KLRG1: variants seen among roughly 807,000 people sequenced by gnomAD.
KLRG1 encodes the protein killer cell lectin-like receptor subfamily G member 1.
In KLRG1, 16 loss-of-function variants were observed where a neutral mutation model predicts 21.8. The ratio of observed to expected loss-of-function variants is 0.73; its 90% confidence interval spans 0.50 to 1.11. KLRG1 has a LOEUF of 1.11. Among genes scored for constraint, KLRG1 ranks in the 50% most tolerant of loss-of-function variants. KLRG1 has a pLI of 0.00. For synonymous variants in KLRG1, 69 were observed against 75.9 expected, an observed-to-expected ratio of 0.91 and a Z score of 0.47; for missense variants, 173 against 218.3, an observed-to-expected ratio of 0.79 and a Z score of 1.31.
the KLRG1 span, chr12:9,110,052 A>G: frequency 3.1e-6 from 5 of 1,591,628 alleles, no homozygotes; most frequent in Admixed American, 3.7e-5. Context: ...GAGTAAATTA[A>G]TTATAACTTA....
intron 1 of KLRG1, among the ~76,000 whole-genome samples, chr12:8,963,062 A>G (rs1946406723): frequency 6.6e-6 from 1 of 152,246 alleles, no homozygotes; most frequent in Admixed American, 6.5e-5. Flanking sequence ...GAAAAAATAT[A>G]TAATGGCATA....
chr12:9,068,924 TG>T, the KLRG1 span: 6 of 1,010,640 alleles, frequency 5.9e-6, no homozygotes, highest in Admixed American at 5.3e-5. Context: ...ACCTGTTTTT[TG>T]GGGGAAAAGC....
the KLRG1 span, chr12:9,095,217 G>A: frequency 3.8e-6 from 2 of 532,658 alleles, no homozygotes; most frequent in African/African-American, 2.0e-5. Context: ...ATCTGTAGAA[G>A]GGATATTTAT....
intron 1 of KLRG1, among the ~76,000 whole-genome samples, chr12:8,952,550 G>C (rs1038815244): frequency 1.3e-5 from 2 of 152,114 alleles, no homozygotes; most frequent in African/African-American, 2.4e-5. Flanking sequence ...ATAGTTTTTG[G>C]TAACTTTCAA....
At chr12:9,127,928 C>A in the KLRG1 span, 4 of 345,140 alleles carry the variant, frequency 1.2e-5, no homozygotes, top group South Asian at 1.0e-4. Context: ...TTCTTGGTGT[C>A]ACCATTGAGA....
chr12:9,151,378 A>C, the KLRG1 span, among the ~76,000 whole-genome samples: 1 of 152,212 alleles, frequency 6.6e-6, no homozygotes, highest in Admixed American at 6.5e-5. Flanking sequence ...TTGTACTTTA[A>C]ATTTCATAGA....
At chr12:9,004,893 T>G (rs774898931) in intron 3 of KLRG1, among the ~76,000 whole-genome samples, 25 of 152,350 alleles carry the variant, frequency 1.6e-4, no homozygotes, top group African/African-American at 6.0e-4. Flanking sequence ...AGGAAAATGA[T>G]ATTTTAAATT....
rs34418338 is a variant in KLRG1 at position 8,991,657 on chromosome 12, TA to T, written c.83-540del. ...ATCTTACAAAATATTCCATATCAGT[TA>T]AAAAAAAAGCCAGTTTTTATTAGAA... On this transcript the variant is annotated intron_variant, in intron 1 of 4. Coordinates refer to ENST00000356986, the MANE Select transcript of KLRG1 (RefSeq NM_005810.4). 9.7e-4 allele frequency among the ~76,000 whole-genome samples: 146 copies of T among 151,126 alleles called. 1 individual carries two copies. The highest frequency in any genetic ancestry group is 3.4e-3 in the Middle Eastern group (1 of 294).
chr12:9,121,526 C>T, the KLRG1 span, among the ~76,000 whole-genome samples: 11 of 152,028 alleles, frequency 7.2e-5, no homozygotes, highest in South Asian at 8.3e-4. The surrounding 1 kb of genome is among the most constrained non-coding windows in gnomAD (Gnocchi z 4.4). Context: ...GGCAACAGAG[C>T]GAGCCTCTGT....
At chr12:9,069,994 A>G in the KLRG1 span, among the ~76,000 whole-genome samples, 6 of 152,272 alleles carry the variant, frequency 3.9e-5, no homozygotes, top group Non-Finnish European at 5.9e-5. Context: ...TACTATTAGT[A>G]TAACACACGA....
intron 1 of KLRG1, among the ~76,000 whole-genome samples, chr12:8,983,843 T>C (rs765968068): frequency 1.4e-4 from 21 of 152,220 alleles, no homozygotes; most frequent in Non-Finnish European, 2.5e-4. Context: ...TTTCTTTTTA[T>C]CTTTGGTTTT....
At chr12:9,070,204 C>A in the KLRG1 span, among the ~76,000 whole-genome samples, 1 of 151,982 alleles carries the variant, frequency 6.6e-6, no homozygotes, top group Non-Finnish European at 1.5e-5. Context: ...TTCACTGGTT[C>A]GTGTTCATAT....
chr12:9,090,821 T>C, the KLRG1 span, among the ~76,000 whole-genome samples: 1 of 152,200 alleles, frequency 6.6e-6, no homozygotes, highest in Non-Finnish European at 1.5e-5. Flanking sequence ...TAAACAGTTA[T>C]GGTTTCAGCA....
At chr12:9,068,956 T>C in the KLRG1 span, 1 of 629,746 alleles carries the variant, frequency 1.6e-6, no homozygotes. Flanking sequence ...TACAGCACAC[T>C]ATAGGGTCCT....
At chr12:9,080,657 A>G in the KLRG1 span, among the ~76,000 whole-genome samples, 12 of 152,222 alleles carry the variant, frequency 7.9e-5, no homozygotes, top group Admixed American at 6.5e-4. Flanking sequence ...TTCATATACA[A>G]AGATAGTATT....
intron 3 of KLRG1, among the ~76,000 whole-genome samples, chr12:9,000,593 C>G (rs1401713018): frequency 6.6e-6 from 1 of 152,222 alleles, no homozygotes; most frequent in East Asian, 1.9e-4. Flanking sequence ...CTGGTAATCA[C>G]TATTCTACTT....
At chr12:9,060,796 C>T in the KLRG1 span, among the ~76,000 whole-genome samples, 1 of 152,168 alleles carries the variant, frequency 6.6e-6, no homozygotes, top group Admixed American at 6.5e-5. Context: ...TATGTCGCTT[C>T]TTTATAACTT....
chr12:9,057,466 A>G, the KLRG1 span, among the ~76,000 whole-genome samples: 1 of 152,202 alleles, frequency 6.6e-6, no homozygotes, highest in Admixed American at 6.5e-5. Flanking sequence ...CCACTGTGCA[A>G]TGTAGCCATG....
the KLRG1 span, among the ~76,000 whole-genome samples, chr12:9,118,928 A>G: frequency 3.9e-5 from 6 of 152,342 alleles, no homozygotes; most frequent in African/African-American, 1.4e-4. Context: ...AGAGAAAAAG[A>G]GCCCAAGACA....
Sources: gnomAD v4.1 joint callset for allele counts (sites outside exome capture counted in the v4.1 genomes callset) on GRCh38, gnomAD v4.1.1 for gene constraint, Gnocchi (gnomAD v3.1) non-coding constraint, MANE v1.5 for transcripts, NCBI Gene and HGNC (gene_info 2026-07-23, HGNC 2026-07-21) for gene names.